Variants in CBR4 observed in about 807,000 individuals in gnomAD.
CBR4 encodes the protein carbonyl reductase 4, also known as 3-oxoacyl-[acyl-carrier-protein] reductase.
CBR4 carries 22 observed loss-of-function variants against 21.0 expected under a neutral mutation model. The ratio of observed to expected loss-of-function variants is 1.05; its 90% confidence interval spans 0.75 to 1.50. CBR4 has a LOEUF of 1.50. Among genes scored for constraint, CBR4 ranks in the 40% most tolerant of loss-of-function variants. The probability of loss-of-function intolerance (pLI) is 0.00; values close to 1 mark genes in which losing one functional copy is unlikely to be tolerated. For synonymous variants in CBR4, 100 were observed against 104.4 expected, an observed-to-expected ratio of 0.96 and a Z score of 0.26; for missense variants, 302 against 286.3, an observed-to-expected ratio of 1.05 and a Z score of -0.40.
chr4:168,985,962 C>A (rs1279483524), downstream of CBR4, among the ~76,000 whole-genome samples: 1 of 151,956 alleles, frequency 6.6e-6, no homozygotes, highest in Non-Finnish European at 1.5e-5. Flanking sequence ...AGGTATTATG[C>A]TGATGACCTG....
At chr4:168,919,365 A>G (rs1760940056) in intron 2 of CBR4, among the ~76,000 whole-genome samples, 1 of 152,090 alleles carries the variant, frequency 6.6e-6, no homozygotes, top group East Asian at 1.9e-4. Context: ...CTCTACTAAA[A>G]TACAAAAAAA....
intron 2 of CBR4, among the ~76,000 whole-genome samples, chr4:168,975,766 C>G (rs1001376243): frequency 6.6e-6 from 1 of 152,060 alleles, no homozygotes; most frequent in Non-Finnish European, 1.5e-5. Context: ...CTTGCTGTGG[C>G]CACTATGTAG....
At chr4:168,896,038 C>T (rs540775172) in intron 2 of CBR4, among the ~76,000 whole-genome samples, 43 of 152,168 alleles carry the variant, frequency 2.8e-4, no homozygotes, top group South Asian at 2.5e-3. Flanking sequence ...GGTGAAACCC[C>T]GTCTCTACTG....
At chr4:168,941,427 A>T (rs1295782328) in intron 2 of CBR4, among the ~76,000 whole-genome samples, 1 of 152,198 alleles carries the variant, frequency 6.6e-6, no homozygotes, top group East Asian at 1.9e-4. Flanking sequence ...GATACATCAC[A>T]TTGACAAAAT....
intron 2 of CBR4, among the ~76,000 whole-genome samples, chr4:168,956,791 T>C (rs1323325353): frequency 6.6e-6 from 1 of 152,096 alleles, no homozygotes; most frequent in Non-Finnish European, 1.5e-5. Context: ...AAAAGCACGA[T>C]TAGTTACAGA....
intron 2 of CBR4, chr4:168,913,860 G>A: frequency 2.0e-6 from 2 of 1,008,902 alleles, no homozygotes; most frequent in Admixed American, 1.7e-5. Flanking sequence ...TAGGACAGTA[G>A]GCATGATAGT....
At chr4:168,926,469 G>A in intron 2 of CBR4, 2 of 906,850 alleles carry the variant, frequency 2.2e-6, no homozygotes, top group South Asian at 1.8e-5. Context: ...GTAAAAGGCA[G>A]AAACATACCT....
At chr4:168,948,740 C>G (rs550756811) in intron 2 of CBR4, among the ~76,000 whole-genome samples, 84 of 152,256 alleles carry the variant, frequency 5.5e-4, no homozygotes, top group Non-Finnish European at 1.1e-3. Flanking sequence ...GTTTTTATAC[C>G]AGTACCATGC....
chr4:169,010,249 C>G lies in CBR4; in HGVS notation c.-160G>C. 1.6e-6 allele frequency: 1 copy of G among 641,764 alleles called. No individual in the cohort carries two copies. The highest frequency in any genetic ancestry group is 2.6e-6 in the Non-Finnish European group (1 of 391,972). 39.8% of individuals were successfully genotyped at this position (641,764 alleles called of 1,614,324 possible). On this transcript the variant is annotated 5_prime_UTR_variant, in exon 1 of 5. Transcript: ENST00000306193. ...CCGCTCGACACCTCCTGCAGCCGCACAATAGTAATGCAAGACGCCGTGAAA... is the reference window on the plus strand; with the variant it reads ...CCGCTCGACACCTCCTGCAGCCGCAGAATAGTAATGCAAGACGCCGTGAAA...
At chr4:168,951,708 A>T (rs1200892170) in intron 2 of CBR4, among the ~76,000 whole-genome samples, 1 of 152,148 alleles carries the variant, frequency 6.6e-6, no homozygotes, top group Non-Finnish European at 1.5e-5. Context: ...CTTGGCTGAT[A>T]ATTGTTTTTG....
chr4:168,989,410 A>G lies in CBR4; in HGVS notation c.*740T>C. The stretch of plus-strand genomic sequence containing the variant: ...TCAAATGCGCCACATTTAAATTTGC[A>G]GATTATTTTGTCTAGCTGCTCAATC... On this transcript the variant is annotated 3_prime_UTR_variant, in exon 5 of 5. Transcript: ENST00000306193. The G allele has an allele frequency of 1.0e-6, 1 of 985,438 alleles. No individual in the cohort carries two copies. Among genetic ancestry groups the G allele is most frequent in the Non-Finnish European group, 1.2e-6 (1 of 829,908 alleles). The allele number at this position is 985,438 out of a possible 1,614,324, so 61.0% of individuals were successfully genotyped here.
At chr4:168,985,290 T>C (rs2126791713), downstream of CBR4, among the ~76,000 whole-genome samples, 1 of 151,450 alleles carries the variant, frequency 6.6e-6, no homozygotes, top group East Asian at 1.9e-4. Flanking sequence ...TACGAAAAAA[T>C]GCTCACTATC....
chr4:168,935,348 C>A (rs1763081566), intron 2 of CBR4, among the ~76,000 whole-genome samples: 1 of 152,200 alleles, frequency 6.6e-6, no homozygotes. Flanking sequence ...TTTGGCCAGA[C>A]ACTGAGCTAG....
At chr4:168,908,496 GA>G (rs57780205) in intron 2 of CBR4, among the ~76,000 whole-genome samples, 411 of 150,980 alleles carry the variant, frequency 2.7e-3, no homozygotes, top group African/African-American at 9.1e-3. Flanking sequence ...AAAAGGTGGT[GA>G]AAAAAAAATT....
rs969446821 is a variant in CBR4 at position 168,988,719 on chromosome 4, T to C, written c.*1431A>G. The C allele has an allele frequency of 1.5e-5, 15 of 974,134 alleles. No individual in the cohort carries two copies. Among genetic ancestry groups the C allele is most frequent in the Non-Finnish European group, 1.8e-5 (15 of 819,712 alleles). The allele number at this position is 974,134 out of a possible 1,614,324, so 60.3% of individuals were successfully genotyped here. A position where few individuals can be genotyped will look rare whatever the true frequency, so the allele number is the denominator to read the frequency against. ...TGATACTAACTTTACTCACACTTAA[T>C]TGACTTTCTCATATCCTGAGATTAA... On this transcript the variant is annotated 3_prime_UTR_variant, in exon 5 of 5. Coordinates refer to ENST00000306193, the MANE Select transcript of CBR4 (RefSeq NM_032783.5).
chr4:168,982,905 A>G (rs540287515), downstream of CBR4, among the ~76,000 whole-genome samples: 22 of 152,340 alleles, frequency 1.4e-4, no homozygotes, highest in African/African-American at 5.3e-4. Context: ...AATCTCTGGG[A>G]CACAGCTAAA....
intron 2 of CBR4, among the ~76,000 whole-genome samples, chr4:168,968,768 C>T (rs1417855023): frequency 6.6e-6 from 1 of 152,236 alleles, no homozygotes; most frequent in Non-Finnish European, 1.5e-5. Context: ...ACATTAATCT[C>T]TGCCATTCTA....
At chr4:168,985,363 T>G (rs1029444222), downstream of CBR4, among the ~76,000 whole-genome samples, 11 of 152,178 alleles carry the variant, frequency 7.2e-5, no homozygotes, top group African/African-American at 2.4e-4. Flanking sequence ...CCACTCAGAT[T>G]GGCTATTATT....
chr4:168,921,822 CAAT>C (rs1761566789), intron 2 of CBR4: 2 of 1,112,716 alleles, frequency 1.8e-6, no homozygotes, highest in Non-Finnish European at 2.7e-6. Flanking sequence ...CATTACTAAC[CAAT>C]ACGGAAAATA....
Sources: gnomAD v4.1 joint callset for allele counts (sites outside exome capture counted in the v4.1 genomes callset) on GRCh38, gnomAD v4.1.1 for gene constraint, MANE v1.5 for transcripts, NCBI Gene and HGNC (gene_info 2026-07-23, HGNC 2026-07-21) for gene names.